Variants in TNC observed in about 807,000 individuals in gnomAD.
TNC encodes the protein tenascin.
In TNC, 109 loss-of-function variants were observed where a neutral mutation model predicts 202.4. The ratio of observed to expected loss-of-function variants is 0.54; its 90% CI spans 0.46 to 0.63. TNC has a LOEUF of 0.63. TNC is among the 30% of genes least tolerant of loss of function. The pLI is 0.00. For missense variants in TNC, 2,756 were observed against 2,833.3 expected (o/e 0.97, Z 0.62); for synonymous variants, 1,007 against 1,089.7 (o/e 0.92, Z 1.50).
Position 115,038,288 on chromosome 9 carries a change from A to T in TNC, c.5485T>A (p.Tyr1829Asn), listed in dbSNP as rs748475332. Residue 1829 changes from tyrosine to asparagine, a missense_variant, in exon 20 of 28, where the codon TAT becomes AAT. Physicochemically the swap from Tyr to Asn is moderately radical, Grantham distance 143 (BLOSUM62 -2). Transcript: ENST00000350763. ...TTCTCGCCTGTGTAGGAGATGACAT[A>T]ACTGTCCACAGTGGCAATGGCTGGC... is the stretch of plus-strand genomic sequence containing the variant. ...WQPAIATVDS[Y>N]VISYTGEKVP... The T allele has an allele frequency of 6.2e-7, 1 of 1,614,036 alleles. No homozygotes were observed. Among genetic ancestry groups the T allele is most frequent in the South Asian group, 1.1e-5 (1 of 91,068 alleles).
chr9:115,047,362 G>T (rs543114629), intron 16 of TNC, among the ~76,000 whole-genome samples: 2 of 150,748 alleles, frequency 1.3e-5, no homozygotes, highest in South Asian at 4.2e-4. Context: ...GTTTCATCTT[G>T]CATTGCCTTA....
chr9:115,094,789 G>A (rs1564136292), intron 1 of TNC, among the ~76,000 whole-genome samples: 2 of 150,144 alleles, frequency 1.3e-5, no homozygotes, highest in South Asian at 2.1e-4. Flanking sequence ...CTTGCCTCTT[G>A]TAGCCCCTAA....
In TNC at chr9:115,078,004, C is replaced by T. The variant is rs1489592809; in HGVS notation, c.2613G>A (p.Val871=). ...TGTCACCTCTGCGGGAGATGAGGGA[C>T]ACCTCGTACTCAGTGTCAGGCTTCA... The part of the protein sequence containing the change: ...GNLKPDTEYE[V]SLISRRGDMS... The change falls in exon 7 of 28, where the codon GTG becomes GTA. Residue 871 remains valine, a synonymous_variant. Transcript: ENST00000350763. The T allele has an allele frequency of 6.2e-7, 1 of 1,614,124 alleles. No homozygotes were observed. The highest frequency in any genetic ancestry group is 1.3e-5 in the African/African-American group (1 of 74,940).
chr9:115,081,886 G>T lies in TNC; in HGVS notation c.2290C>A (p.Pro764Thr). Residue 764 changes from proline (P) to threonine (T), a missense_variant, in exon 6 of 28, where the codon CCA becomes ACA. This residue lies in a region of TNC where 2,559 missense variants were observed against 2,546.0 expected (regional missense o/e 1.01). Coordinates refer to ENST00000350763, the MANE Select transcript of TNC (RefSeq NM_002160.4). ...EGEITKSLRR[P>T]ETSYRQTGLA... The stretch of plus-strand genomic sequence containing the variant: ...CCAGTTTGCCGGTAAGAGGTCTCTG[G>T]CCTCCTCAGGCTTTTGGTGATCTCT... 6.3e-7 allele frequency: 1 copy of T among 1,596,972 alleles called. No homozygotes were observed. The highest frequency in any genetic ancestry group is 1.1e-5 in the South Asian group (1 of 87,564).
intron 13 of TNC, 120 bp downstream of exon 13, chr9:115,062,797 G>A: frequency 8.5e-7 from 1 of 1,173,058 alleles, no homozygotes; most frequent in Non-Finnish European, 1.2e-6. Flanking sequence ...TCCTGAGTTA[G>A]AGATTCACGC....
At chr9:115,050,553 A>C (rs1323105872) in intron 15 of TNC, among the ~76,000 whole-genome samples, 1 of 152,242 alleles carries the variant, frequency 6.6e-6, no homozygotes, top group Non-Finnish European at 1.5e-5. Context: ...GTAACTGGAT[A>C]GGAAAAAATA....
chr9:115,059,861 T>C lies in TNC; in HGVS notation c.4175A>G (p.Asn1392Ser). Residue 1392 changes from asparagine (N) to serine (S), a missense_variant, in exon 14 of 28, where the codon AAC (asparagine) becomes AGC (serine). By Grantham distance (46) the Asn-to-Ser change is conservative (BLOSUM62 1). Around this residue, in one of 2 missense-constraint regions of TNC, gnomAD observed 2,559 missense variants for 2,546.0 expected, o/e 1.01. Transcript: ENST00000350763. Reference sequence around the variant, plus strand: ...CCTGAGGCTGCCAGGCAACGTGAGGTTCTGGGCTGCCTCCACTTTGTTGAC... The same window carrying C: ...CCTGAGGCTGCCAGGCAACGTGAGGCTCTGGGCTGCCTCCACTTTGTTGAC... ...QEVNKVEAAQNLTLPGSLRAV... is the reference protein window; with the variant it reads ...QEVNKVEAAQSLTLPGSLRAV... The C allele has an allele frequency of 6.2e-7, 1 of 1,613,916 alleles. No individual in the cohort carries two copies. The highest frequency in any genetic ancestry group is 8.5e-7 in the Non-Finnish European group (1 of 1,179,984).
At chr9:115,085,303 G>C (rs765341315) in intron 3 of TNC, among the ~76,000 whole-genome samples, 2 of 152,066 alleles carry the variant, frequency 1.3e-5, no homozygotes, top group African/African-American at 2.4e-5. Context: ...ACAATGAAAA[G>C]ACAGGTCAAT....
intron 1 of TNC, among the ~76,000 whole-genome samples, chr9:115,097,208 C>T (rs941580841): frequency 6.6e-6 from 1 of 152,146 alleles, no homozygotes; most frequent in Admixed American, 6.5e-5. Context: ...ATGGCCATTC[C>T]CTTTCTCCTC....
intron 20 of TNC, among the ~76,000 whole-genome samples, chr9:115,037,118 A>T (rs1278152920): frequency 6.6e-6 from 1 of 152,084 alleles, no homozygotes; most frequent in Admixed American, 6.6e-5. Flanking sequence ...TAAACCCAAC[A>T]TCCCTCCTCC....
At chr9:115,035,080 A>ATTTTTTT in intron 22 of TNC, 124 bp downstream of exon 22, 1 of 852,900 alleles carries the variant, frequency 1.2e-6, no homozygotes, top group African/African-American at 1.9e-5. Flanking sequence ...GTCTCTACTA[A>ATTTTTTT]TTTTTTTTTT....
intron 1 of TNC, among the ~76,000 whole-genome samples, chr9:115,105,570 G>A (rs180956211): frequency 3.9e-4 from 59 of 152,226 alleles, no homozygotes; most frequent in African/African-American, 1.3e-3. Flanking sequence ...AACTAAGGTC[G>A]GGGTCCAGAG....
intron 9 of TNC, among the ~76,000 whole-genome samples, chr9:115,074,456 G>A (rs1047220859): frequency 6.6e-6 from 1 of 152,200 alleles, no homozygotes; most frequent in Non-Finnish European, 1.5e-5. Flanking sequence ...CAAATCTGCT[G>A]GCATCTTGAT....
intron 6 of TNC, 85 bp from the exon 7 acceptor site, chr9:115,078,297 G>A: frequency 6.9e-7 from 1 of 1,443,180 alleles, no homozygotes; most frequent in Middle Eastern, 2.2e-4. Flanking sequence ...TAACTCTCCA[G>A]ACCTGTGGGT....
At chr9:115,069,924 T>C (rs1055983950) in intron 10 of TNC, among the ~76,000 whole-genome samples, 11 of 151,004 alleles carry the variant, frequency 7.3e-5, no homozygotes, top group Middle Eastern at 3.4e-3. Context: ...CCCTTATGCC[T>C]TAAGGAAAGA....
chr9:115,106,044 T>C (rs539027958), intron 1 of TNC, among the ~76,000 whole-genome samples: 36 of 152,296 alleles, frequency 2.4e-4, no homozygotes, highest in Non-Finnish European at 4.3e-4. Flanking sequence ...CATTTCTTCC[T>C]GTATTAGAAG....
At chr9:115,021,309 G>C in intron 27 of TNC, 42 bp from the exon 28 acceptor site, 82 of 1,435,462 alleles carry the variant, frequency 5.7e-5, no homozygotes, top group Non-Finnish European at 7.1e-5. Flanking sequence ...GAGAGAGAAG[G>C]CCTCCAGGTT....
Position 115,112,902 on chromosome 9 carries a change from GC to G in TNC, c.-137+5079del, listed in dbSNP as rs142714825. On this transcript the variant is annotated intron_variant, in intron 1 of 27. Transcript: ENST00000350763. Reference sequence around the variant, plus strand: ...ACCTGGAGCAGGGGGATTCCAGGCAGCCTGCAGGGCACTCATGGCTTCCCTT... The same window carrying G: ...ACCTGGAGCAGGGGGATTCCAGGCAGCTGCAGGGCACTCATGGCTTCCCTT... The G allele has an allele frequency of 5.5e-3, 847 of 152,710 alleles. 7 individuals are homozygous for G. Among genetic ancestry groups the G allele is most frequent in the Non-Finnish European group, 0.01 (696 of 68,356 alleles). The allele number at this position is 152,710 out of a possible 1,614,324, so 9.5% of individuals were successfully genotyped here.
chr9:115,024,440 T>C (rs1829319102), intron 26 of TNC, among the ~76,000 whole-genome samples: 1 of 152,198 alleles, frequency 6.6e-6, no homozygotes. Context: ...AGCATCTTGT[T>C]GAACCTCAGT....
Sources: gnomAD v4.1 joint callset for allele counts (sites outside exome capture counted in the v4.1 genomes callset) on GRCh38, gnomAD v4.1.1 for gene constraint, gnomAD v4.1.1 regional missense constraint, MANE v1.5 for transcripts, NCBI Gene and HGNC (gene_info 2026-07-23, HGNC 2026-07-21) for gene names.